ANKS3: variants seen among roughly 807,000 people sequenced by gnomAD.
ANKS3 encodes the protein ankyrin repeat and sterile alpha motif domain containing 3.
A neutral mutation model predicts 80.7 loss-of-function variants in ANKS3; 62 were observed. The ratio of observed to expected loss-of-function variants is 0.77; its 90% confidence interval spans 0.63 to 0.95. ANKS3 has a LOEUF of 0.95. Among genes scored for constraint, ANKS3 ranks in the 40% least tolerant of loss-of-function variants. The pLI, the probability that ANKS3 is intolerant of heterozygous loss-of-function variation, is 0.00. For missense variants in ANKS3, 1,150 were observed against 883.6 expected (o/e 1.30, Z -3.82); for synonymous variants, 489 against 355.3 (o/e 1.38, Z -4.23).
At chr16:4,718,301 T>C (rs915334377) in intron 6 of ANKS3, among the ~76,000 whole-genome samples, 1 of 152,170 alleles carries the variant, frequency 6.6e-6, no homozygotes, top group African/African-American at 2.4e-5. Context: ...AAGAGACACA[T>C]GATCAAAACT....
intron 5 of ANKS3, 75 bp downstream of exon 5, chr16:4,726,584 G>C: frequency 6.5e-7 from 1 of 1,531,742 alleles, no homozygotes; most frequent in Admixed American, 1.8e-5. Context: ...CTGGTTAGCT[G>C]CCTCCAGAGC....
Position 4,730,103 on chromosome 16 carries a change from C to T in ANKS3, c.47G>A (p.Arg16His), listed in dbSNP as rs747928992. ...GAGCCCGTGCCACATGGACAAGCTG[C>T]GGTTCAGGAGTTCCGGCTCGCTGGC... is the stretch of plus-strand genomic sequence containing the variant. ...DEASEPELLN[R>H]SLSMWHGLGT... Residue 16 changes from arginine (R) to histidine (H), a missense_variant, in exon 3 of 18, where the codon CGC becomes CAC. Arg to His is a conservative substitution (Grantham distance 29). Transcript: ENST00000304283. 3.6e-5 allele frequency: 58 copies of T among 1,592,962 alleles called. No homozygotes were observed. The South Asian group carries it at 3.7e-4, about 10-fold the overall frequency.
rs539481292 is a variant in ANKS3, at chr16:4,712,389, A to C, written c.709+1662T>G. On this transcript the variant is annotated intron_variant, in intron 7 of 17. Coordinates refer to ENST00000304283, the MANE Select transcript of ANKS3 (RefSeq NM_133450.4). Reference sequence around the variant, plus strand: ...AGCAAGACTCCATTTCAAAAACAAAAAAAAAGAAGAAAGAAAACTATAGAC... The same window carrying C: ...AGCAAGACTCCATTTCAAAAACAAACAAAAAGAAGAAAGAAAACTATAGAC... 4.4e-4 allele frequency among the ~76,000 whole-genome samples: 67 copies of C among 152,238 alleles called. 1 individual carries two copies. Among genetic ancestry groups the C allele is most frequent in the African/African-American group, 1.6e-3 (66 of 41,508 alleles).
At chr16:4,732,403 CA>C (rs2081670646) in intron 1 of ANKS3, among the ~76,000 whole-genome samples, 1 of 152,164 alleles carries the variant, frequency 6.6e-6, no homozygotes, top group South Asian at 2.1e-4. Context: ...TGGAGACTTG[CA>C]TATCTGACAT....
intron 6 of ANKS3, among the ~76,000 whole-genome samples, chr16:4,721,276 GC>G (rs2081078783): frequency 6.8e-6 from 1 of 147,012 alleles, no homozygotes; most frequent in African/African-American, 2.5e-5. Flanking sequence ...CTGCACTCTA[GC>G]CTGGGCAACA....
At chr16:4,705,964 CT>C (rs2080166794) in intron 7 of ANKS3, among the ~76,000 whole-genome samples, 1 of 150,632 alleles carries the variant, frequency 6.6e-6, no homozygotes, top group Admixed American at 6.6e-5. Flanking sequence ...TTTGCTCTTG[CT>C]GCCCAGGCTG....
intron 7 of ANKS3, among the ~76,000 whole-genome samples, chr16:4,712,093 G>A (rs1484391510): frequency 2.6e-5 from 4 of 152,164 alleles, no homozygotes; most frequent in Non-Finnish European, 5.9e-5. Context: ...AGACCACGCC[G>A]GGAGCGGTGG....
chr16:4,733,790 A>T (rs547072189), intron 1 of ANKS3, 148 bp downstream of exon 1: 1 of 406,700 alleles, frequency 2.5e-6, no homozygotes, highest in Non-Finnish European at 3.3e-6. Context: ...TAAAAATCTT[A>T]ACAAATGTGA....
chr16:4,721,763 C>G (rs537979699), intron 6 of ANKS3, among the ~76,000 whole-genome samples: 1 of 151,032 alleles, frequency 6.6e-6, no homozygotes, highest in African/African-American at 2.4e-5. Flanking sequence ...CTCAGCCTCC[C>G]AAGTAGCTGG....
At chr16:4,726,946 A>G (rs760439338) in intron 4 of ANKS3, 33 bp downstream of exon 4, 3 of 1,612,988 alleles carry the variant, frequency 1.9e-6, no homozygotes, top group East Asian at 2.2e-5. Context: ...GGAGCCCCTC[A>G]GGTTTCTGGG....
intron 6 of ANKS3, among the ~76,000 whole-genome samples, chr16:4,715,854 G>A (rs1196398405): frequency 2.0e-5 from 3 of 151,238 alleles, no homozygotes; most frequent in Non-Finnish European, 2.9e-5. Context: ...GAAGTGCAGC[G>A]GCGCCTAAGG....
intron 2 of ANKS3, among the ~76,000 whole-genome samples, chr16:4,731,300 G>C (rs900320421): frequency 4.6e-5 from 7 of 152,078 alleles, no homozygotes; most frequent in Admixed American, 4.6e-4. Flanking sequence ...TTATTTTTTT[G>C]AGACAGTCTC....
In ANKS3 at chr16:4,698,539, C is replaced by T. The variant is rs780608870; in HGVS notation, c.1612G>A (p.Val538Met). The change falls in exon 14 of 18, where the codon GTG becomes ATG. Residue 538 changes from valine (V) to methionine (M), a missense_variant. By Grantham distance (21) the Val-to-Met change is conservative. Coordinates refer to ENST00000304283, the MANE Select transcript of ANKS3 (RefSeq NM_133450.4). ...QVCQEQELRA[V>M]VESCLLEQDR... ...TGCTCCAGCAGGCAGCTCTCCACCA[C>T]GGCGCGCAGCTCCTGCTCCTGACAC... 10 of 1,577,220 alleles carry T rather than the reference C, an allele frequency of 6.3e-6. No individual in the cohort carries two copies. Among genetic ancestry groups the T allele is most frequent in the Admixed American group, 3.5e-5 (2 of 57,340 alleles).
chr16:4,709,981 A>G (rs1211364812), intron 7 of ANKS3, among the ~76,000 whole-genome samples: 2 of 152,234 alleles, frequency 1.3e-5, no homozygotes, highest in Admixed American at 1.3e-4. Context: ...ACCACACTCC[A>G]GCCTGGGTGA....
At chr16:4,698,708 G>A (rs2142021713) in intron 13 of ANKS3, 92 bp downstream of exon 13, 2 of 1,539,308 alleles carry the variant, frequency 1.3e-6, no homozygotes, top group East Asian at 2.3e-5. Flanking sequence ...GCATCCACCT[G>A]ACCCCTCCAC....
Position 4,730,161 on chromosome 16 carries a change from A to C in ANKS3, c.-2-10T>G. ...CTGAGCTCGGACATCACTGAGGAGG[A>C]AGGCCCAAGGGTTAGATCTTTCCTG... On this transcript the variant is annotated splice_polypyrimidine_tract_variant and intron_variant, in intron 2 of 17. Coordinates refer to ENST00000304283, the MANE Select transcript of ANKS3 (RefSeq NM_133450.4). The C allele has an allele frequency of 6.6e-7, 1 of 1,518,356 alleles. No individual in the cohort carries two copies. Among genetic ancestry groups the C allele is most frequent in the East Asian group, 2.5e-5 (1 of 40,574 alleles). 94.1% of individuals were successfully genotyped at this position (1,518,356 alleles called of 1,614,324 possible).
At chr16:4,701,786 C>G (rs1343713023) in intron 9 of ANKS3, 1 of 509,408 alleles carries the variant, frequency 2.0e-6, no homozygotes, top group East Asian at 3.2e-5. Context: ...ACGGTGGGCA[C>G]TATGGAAACA....
At chr16:4,716,526 G>T (rs1249331701) in intron 6 of ANKS3, among the ~76,000 whole-genome samples, 1 of 152,126 alleles carries the variant, frequency 6.6e-6, no homozygotes, top group South Asian at 2.1e-4. Context: ...ACAAAAAACT[G>T]TGTTTTCACA....
chr16:4,697,942 C>A, intron 15 of ANKS3, 35 bp downstream of exon 15: 1 of 1,510,542 alleles, frequency 6.6e-7, no homozygotes, highest in Non-Finnish European at 8.9e-7. Flanking sequence ...CCACCTTCCC[C>A]TCTGCCCAGT....
Sources: gnomAD v4.1 joint callset for allele counts (sites outside exome capture counted in the v4.1 genomes callset) on GRCh38, gnomAD v4.1.1 for gene constraint, MANE v1.5 for transcripts, NCBI Gene and HGNC (gene_info 2026-07-23, HGNC 2026-07-21) for gene names.